ANOS1: variants seen among roughly 807,000 people sequenced by gnomAD.
ANOS1 encodes the protein anosmin 1.
ANOS1 carries 6 observed loss-of-function variants against 59.0 expected under a neutral mutation model. The ratio of observed to expected loss-of-function variants is 0.10; its 90% CI spans 0.06 to 0.20. ANOS1 has a LOEUF of 0.20. ANOS1 is among the 10% of genes least tolerant of loss of function. The pLI is 1.00. For missense variants in ANOS1, 433 were observed against 542.3 expected, an observed-to-expected ratio of 0.80 and a Z score of 2.00; for synonymous variants, 217 against 223.4, an observed-to-expected ratio of 0.97 and a Z score of 0.25.
intron 2 of ANOS1, among the ~76,000 whole-genome samples, chrX:8,633,220 TGAAACGTCC>T (rs1931517903): frequency 9.0e-6 from 1 of 111,655 alleles, no homozygotes; most frequent in Non-Finnish European, 1.9e-5. Context: ...CAACTTGCTC[TGAAACGTCC>T]GAAGGGCAAT....
intron 1 of ANOS1, among the ~76,000 whole-genome samples, chrX:8,724,072 C>A (rs951017166): frequency 8.0e-5 from 9 of 112,500 alleles, no homozygotes; most frequent in Non-Finnish European, 1.7e-4. Flanking sequence ...GAATCTGTTT[C>A]TTTATTTAAA....
intron 3 of ANOS1, among the ~76,000 whole-genome samples, chrX:8,615,951 T>A (rs1432947811): frequency 9.0e-6 from 1 of 111,095 alleles, no homozygotes; most frequent in Non-Finnish European, 1.9e-5. Context: ...CATCTGCTTG[T>A]AAAATATAAT....
At chrX:8,726,030 C>T (rs897615589) in intron 1 of ANOS1, among the ~76,000 whole-genome samples, 4 of 110,183 alleles carry the variant, frequency 3.6e-5, no homozygotes, top group African/African-American at 1.3e-4. Context: ...GTTCTCCCAG[C>T]GGCTCTCTAA....
chrX:8,710,844 A>G (rs895458932), intron 1 of ANOS1, among the ~76,000 whole-genome samples: 1 of 112,338 alleles, frequency 8.9e-6, no homozygotes, highest in African/African-American at 3.2e-5. Flanking sequence ...AACATTTACC[A>G]TGCCAAAGGA....
rs188811263 is a variant in ANOS1 at position 8,588,113 on chromosome X, C to A, written c.542-135G>T. The A allele has an allele frequency of 5.2e-6, 3 of 577,847 alleles. No homozygotes were observed. In the African/African-American group the frequency reaches 6.8e-5, roughly 13 times the overall value. 47.6% of individuals were successfully genotyped at this position (577,847 alleles called of 1,213,427 possible). A position where few individuals can be genotyped will look rare whatever the true frequency, so the allele number is the denominator to read the frequency against. ...ATTTCCTTTCATAAAAGTGGCCTCT[C>A]CATACAGGGTTTCACATCTGAAGTC... is the stretch of plus-strand genomic sequence containing the variant. On this transcript the variant is annotated intron_variant, in intron 4 of 13. Transcript: ENST00000262648.
intron 8 of ANOS1, among the ~76,000 whole-genome samples, chrX:8,564,629 G>A (rs760488756): frequency 8.9e-6 from 1 of 112,062 alleles, no homozygotes; most frequent in South Asian, 3.8e-4. Flanking sequence ...TATCTGAGTT[G>A]GGGAGGAATG....
At chrX:8,578,928 C>A (rs1344790162) in intron 6 of ANOS1, among the ~76,000 whole-genome samples, 1 of 112,153 alleles carries the variant, frequency 8.9e-6, no homozygotes, top group Admixed American at 9.5e-5. Flanking sequence ...CATATTGACA[C>A]ATAGATGTAG....
chrX:8,634,877 G>T (rs1470375941), intron 2 of ANOS1, among the ~76,000 whole-genome samples: 1 of 111,419 alleles, frequency 9.0e-6, no homozygotes, highest in African/African-American at 3.3e-5. Context: ...AAATGCTTCA[G>T]ATCTGAAACC....
At chrX:8,729,759 A>ACAGG (rs1225667146) in intron 1 of ANOS1, among the ~76,000 whole-genome samples, 1 of 106,036 alleles carries the variant, frequency 9.4e-6, no homozygotes, top group Non-Finnish European at 1.9e-5. Context: ...GCGGTGGGGA[A>ACAGG]CAGGGAAGCT....
At chrX:8,715,770 T>C (rs1217747094) in intron 1 of ANOS1, among the ~76,000 whole-genome samples, 2 of 110,893 alleles carry the variant, frequency 1.8e-5, no homozygotes, top group African/African-American at 3.3e-5. Flanking sequence ...TTACATACTA[T>C]TCATTTTATT....
intron 9 of ANOS1, among the ~76,000 whole-genome samples, chrX:8,550,144 C>T (rs1238952349): frequency 9.0e-6 from 1 of 111,637 alleles, no homozygotes; most frequent in African/African-American, 3.2e-5. Context: ...AGTGCTAAAA[C>T]AATATTGCTG....
rs17306755 is a variant in ANOS1, at chrX:8,536,611, T to C, written c.1621+160A>G. ...GTTAGGCTTTAAAATAACACATTCA[T>C]TCCTACATCTCTTCCCTCCACATTG... On this transcript the variant is annotated intron_variant, in intron 11 of 13. Transcript: ENST00000262648. Among the ~76,000 whole-genome samples the C allele has an allele frequency of 0.17, 18,449 of 111,599 alleles. 1,133 individuals are homozygous for C. Among genetic ancestry groups the C allele is most frequent in the Middle Eastern group, 0.22 (47 of 214 alleles).
At chrX:8,542,372 G>A (rs1235984730) in intron 9 of ANOS1, among the ~76,000 whole-genome samples, 3 of 110,957 alleles carry the variant, frequency 2.7e-5, no homozygotes, top group Non-Finnish European at 5.7e-5. Context: ...TAACCTTCGA[G>A]GAAGGTGGGC....
Position 8,560,039 on chromosome X carries a change from C to T in ANOS1, c.1208-5941G>A, listed in dbSNP as rs183469186. 2.8e-3 allele frequency among the ~76,000 whole-genome samples: 311 copies of T among 111,824 alleles called. 2 individuals carry two copies. Among genetic ancestry groups the T allele is most frequent in the African/African-American group, 9.8e-3 (301 of 30,808 alleles). On this transcript the variant is annotated intron_variant, in intron 8 of 13. Transcript: ENST00000262648. ...TTTATACCAAATATATTACCAAATG[C>T]TCATTTGCCTGGGGCTATTCGGGGT...
intron 4 of ANOS1, among the ~76,000 whole-genome samples, chrX:8,590,107 C>G (rs1260420122): frequency 9.0e-6 from 1 of 111,329 alleles, no homozygotes; most frequent in Admixed American, 9.6e-5. Context: ...AACGTAGAAG[C>G]GAGGTTCTCT....
intron 2 of ANOS1, among the ~76,000 whole-genome samples, chrX:8,685,113 G>A (rs1932487567): frequency 9.0e-6 from 1 of 111,246 alleles, no homozygotes; most frequent in Admixed American, 9.6e-5. Context: ...CTTGCAATGA[G>A]TTAAAATGAG....
At chrX:8,670,639 T>C (rs1434299222) in intron 2 of ANOS1, among the ~76,000 whole-genome samples, 1 of 111,676 alleles carries the variant, frequency 9.0e-6, no homozygotes, top group Non-Finnish European at 1.9e-5. Flanking sequence ...TGGCCATAAA[T>C]ACCATGAAAT....
intron 8 of ANOS1, among the ~76,000 whole-genome samples, chrX:8,562,434 A>G (rs2146801782): frequency 9.8e-6 from 1 of 101,582 alleles, no homozygotes; most frequent in South Asian, 4.7e-4. Context: ...TGACTTTATA[A>G]GAATGTCTCC....
At position 8,551,505 on chromosome X, in the gene ANOS1, G is replaced by A. The variant is rs527431979; in HGVS notation, c.1354+2447C>T. Among the ~76,000 whole-genome samples, 21 of 109,147 alleles carry A rather than the reference G, an allele frequency of 1.9e-4. No individual in the cohort carries two copies. In the South Asian group the frequency reaches 6.5e-3, roughly 34 times the overall value. The allele number at this position is 109,147 out of a possible 115,157, so 94.8% of individuals were successfully genotyped here. On this transcript the variant is annotated intron_variant, in intron 9 of 13. Transcript: ENST00000262648. ...ATACAAAAAATTAGCCGGGCATGGC[G>A]GCAGCCACCTTTAATCGCAGCTACT...
Sources: allele counts gnomAD v4.1 joint callset (sites outside exome capture counted in the v4.1 genomes callset), GRCh38; gene constraint gnomAD v4.1.1; transcripts MANE v1.5; gene names NCBI Gene and HGNC (gene_info 2026-07-23, HGNC 2026-07-21).